RAB5A: variants seen among roughly 807,000 people sequenced by gnomAD.
The protein encoded by RAB5A is RAB5A, member RAS oncogene family, also known as ras-related protein Rab-5A.
RAB5A carries 8 observed loss-of-function variants against 25.7 expected under a neutral mutation model. The ratio of observed to expected loss-of-function variants is 0.31; its 90% CI spans 0.18 to 0.56. The LOEUF (loss-of-function observed/expected upper bound fraction) is 0.56, where lower values mean the gene tolerates loss of function less well. Ranked by LOEUF, RAB5A falls within the 20% of genes least tolerant of loss-of-function variation. The probability of loss-of-function intolerance (pLI) is 0.91; values close to 1 mark genes in which losing one functional copy is unlikely to be tolerated. For synonymous variants in RAB5A, 98 were observed against 89.8 expected, an observed-to-expected ratio of 1.09 and a Z score of -0.52; for missense variants, 192 against 259.7, an observed-to-expected ratio of 0.74 and a Z score of 1.79.
At chr3:19,947,981 C>T (rs1696353123) in intron 1 of RAB5A, 1 of 152,278 alleles carries the variant, frequency 6.6e-6, no homozygotes, top group Admixed American at 6.5e-5. Flanking sequence ...CCTGGGCCTA[C>T]TGCAGGTGTC....
chr3:19,947,290 G>T lies in RAB5A; in HGVS notation c.-325G>T, dbSNP rs978382718. ...GCCGGCGGCGGCGGCGGCGGCGGAG[G>T]AGGAGAAAGGAAAGAGGAAGGGGGA... On this transcript the variant is annotated 5_prime_UTR_variant, in exon 1 of 6. Transcript: ENST00000273047. The T allele has an allele frequency of 2.8e-5, 6 of 211,332 alleles. No individual in the cohort carries two copies. The South Asian group carries it at 3.6e-4, about 13-fold the overall frequency. 13.1% of individuals were successfully genotyped at this position (211,332 alleles called of 1,614,324 possible). A position where few individuals can be genotyped will look rare whatever the true frequency, so the allele number is the denominator to read the frequency against.
chr3:19,984,116 T>C lies in RAB5A; in HGVS notation c.*293T>C. The C allele has an allele frequency of 2.4e-6, 1 of 410,024 alleles. No individual in the cohort carries two copies. Among genetic ancestry groups the C allele is most frequent in the Middle Eastern group, 7.9e-4 (1 of 1,268 alleles). The allele number at this position is 410,024 out of a possible 1,614,324, so 25.4% of individuals were successfully genotyped here. On this transcript the variant is annotated 3_prime_UTR_variant, in exon 6 of 6. Coordinates refer to ENST00000273047, the MANE Select transcript of RAB5A (RefSeq NM_004162.5). The stretch of plus-strand genomic sequence containing the variant: ...CACTAGGAATATAGACAAATGACTG[T>C]CTGGGCCCACACAGTTAACCAGCCC...
intron 2 of RAB5A, among the ~76,000 whole-genome samples, chr3:19,951,701 G>GTT (rs61250458): frequency 9.1e-5 from 9 of 98,998 alleles, no homozygotes; most frequent in Admixed American, 2.2e-4. Flanking sequence ...TGCCAGGCAA[G>GTT]TTTTTTTTTT....
intron 5 of RAB5A, 96 bp from the exon 6 acceptor site, chr3:19,983,612 G>A: frequency 2.5e-6 from 2 of 815,546 alleles, no homozygotes; most frequent in Non-Finnish European, 4.1e-6. Context: ...TACTTTGGGG[G>A]TAACCTAACT....
chr3:19,977,454 A>G (rs1295279486), intron 4 of RAB5A, among the ~76,000 whole-genome samples: 1 of 152,236 alleles, frequency 6.6e-6, no homozygotes, highest in Non-Finnish European at 1.5e-5. Context: ...TGTTCTGTAT[A>G]TATCAGTGAT....
chr3:19,950,368 A>G (rs1696405678), intron 1 of RAB5A, among the ~76,000 whole-genome samples: 2 of 152,258 alleles, frequency 1.3e-5, no homozygotes, highest in Non-Finnish European at 1.5e-5. Context: ...TTCTCAAAAC[A>G]ATGTTAATCC....
At chr3:19,963,513 T>C (rs1696620969) in intron 2 of RAB5A, among the ~76,000 whole-genome samples, 3 of 152,118 alleles carry the variant, frequency 2.0e-5, no homozygotes. Flanking sequence ...ACATCCAGTT[T>C]CTTTGGGGGT....
chr3:19,957,697 C>CTCCA (rs759425471), intron 2 of RAB5A, among the ~76,000 whole-genome samples: 29 of 147,236 alleles, frequency 2.0e-4, no homozygotes, highest in Admixed American at 6.1e-4. Context: ...CACCACTGCA[C>CTCCA]TCCAGCCTGA....
chr3:19,950,591 A>C (rs1264647857), intron 1 of RAB5A, among the ~76,000 whole-genome samples: 1 of 152,188 alleles, frequency 6.6e-6, no homozygotes, highest in Non-Finnish European at 1.5e-5. Context: ...CCTGGCACAA[A>C]CTTGAAGCTT....
At chr3:19,948,205 T>TAC (rs1696359803) in intron 1 of RAB5A, among the ~76,000 whole-genome samples, 1 of 152,220 alleles carries the variant, frequency 6.6e-6, no homozygotes, top group Admixed American at 6.5e-5. Context: ...GGAAGCTGCT[T>TAC]ACCTCTGAGA....
Position 19,976,184 on chromosome 3 carries a change from A to G in RAB5A, c.438+15A>G, listed in dbSNP as rs764466808. 1 of 1,595,276 alleles carries G rather than the reference A, an allele frequency of 6.3e-7. No individual in the cohort carries two copies. The highest frequency in any genetic ancestry group is 1.4e-5 in the African/African-American group (1 of 73,834). ...TAGATTTCCAGGTATGTTAAATTTAACTCTCATTTGAAAGGCACTTTTTTC... is the reference window on the plus strand; with the variant it reads ...TAGATTTCCAGGTATGTTAAATTTAGCTCTCATTTGAAAGGCACTTTTTTC... On this transcript the variant is annotated intron_variant, in intron 4 of 5. Transcript: ENST00000273047.
chr3:19,967,787 C>T (rs1045833444), intron 2 of RAB5A, among the ~76,000 whole-genome samples: 1 of 151,998 alleles, frequency 6.6e-6, no homozygotes, highest in Non-Finnish European at 1.5e-5. Flanking sequence ...TTATTTCTTA[C>T]TCTTCCTCAC....
intron 2 of RAB5A, among the ~76,000 whole-genome samples, chr3:19,974,288 G>A (rs1238980333): frequency 6.6e-6 from 1 of 151,696 alleles, no homozygotes; most frequent in Non-Finnish European, 1.5e-5. Flanking sequence ...CCGAGTAACC[G>A]GAACCACAGG....
Position 19,978,532 on chromosome 3 carries a change from A to T in RAB5A, c.532+129A>T, listed in dbSNP as rs554295067. The T allele has an allele frequency of 3.4e-3, 1,151 of 338,244 alleles. 1 individual carries two copies. The highest frequency in any genetic ancestry group is 4.2e-3 in the Non-Finnish European group (733 of 175,064). 21.0% of individuals were successfully genotyped at this position (338,244 alleles called of 1,614,324 possible). A position where few individuals can be genotyped will look rare whatever the true frequency, so the allele number is the denominator to read the frequency against. ...GTGTGTATGTTTATGTGTGTGTGTG[A>T]GAGAGAGAGAGAGATTATACCACTT... On this transcript the variant is annotated intron_variant, in intron 5 of 5. Coordinates refer to ENST00000273047, the MANE Select transcript of RAB5A (RefSeq NM_004162.5).
chr3:19,962,365 C>T lies in RAB5A; in HGVS notation c.163+11304C>T, dbSNP rs532599862. Among the ~76,000 whole-genome samples the T allele has an allele frequency of 2.3e-4, 35 of 152,186 alleles. No individual in the cohort carries two copies. In the South Asian group the frequency reaches 6.2e-3, roughly 27 times the overall value. The stretch of plus-strand genomic sequence containing the variant: ...TGGGCAGATCACGAGGACAGGAGTT[C>T]GAGACCAGCCTGACTAACATAGTGA... On this transcript the variant is annotated intron_variant, in intron 2 of 5. Coordinates refer to ENST00000273047, the MANE Select transcript of RAB5A (RefSeq NM_004162.5).
intron 2 of RAB5A, among the ~76,000 whole-genome samples, chr3:19,968,294 A>G (rs1044412703): frequency 2.0e-5 from 3 of 151,920 alleles, no homozygotes; most frequent in African/African-American, 7.3e-5. Context: ...ATGACAGTCT[A>G]TATTATTGTT....
rs138397954 is a variant in RAB5A, at chr3:19,965,693, T to C, written c.164-9908T>C. ...TCAGGATTTTAAATTGTTTCACAACTATTACCTTTAGATGTTGCTCATAGA... is the reference window on the plus strand; with the variant it reads ...TCAGGATTTTAAATTGTTTCACAACCATTACCTTTAGATGTTGCTCATAGA... On this transcript the variant is annotated intron_variant, in intron 2 of 5. Transcript: ENST00000273047. 6.6e-3 allele frequency among the ~76,000 whole-genome samples: 1,000 copies of C among 152,310 alleles called. 11 individuals are homozygous for C. The highest frequency in any genetic ancestry group is 0.022 in the African/African-American group (911 of 41,560).
rs1696330920 is a variant in RAB5A, at chr3:19,947,526, C to G, written c.-94+5C>G. 1 of 152,734 alleles carries G rather than the reference C, an allele frequency of 6.5e-6. No homozygotes were observed. The highest frequency in any genetic ancestry group is 2.4e-5 in the African/African-American group (1 of 41,446). 9.5% of individuals were successfully genotyped at this position (152,734 alleles called of 1,614,324 possible). A position where few individuals can be genotyped will look rare whatever the true frequency, so the allele number is the denominator to read the frequency against. ...CTCGGCTTGCTGCGGTCTCAGGTAA[C>G]CGAACCGCCCCTCCTCCTGCGCAGC... On this transcript the variant is annotated splice_donor_5th_base_variant and intron_variant, in intron 1 of 5. Transcript: ENST00000273047.
chr3:19,956,499 C>G (rs1696504533), intron 2 of RAB5A, among the ~76,000 whole-genome samples: 1 of 152,230 alleles, frequency 6.6e-6, no homozygotes. Context: ...AAGTGAAGTG[C>G]TGTTTCTACT....
Sources: allele counts gnomAD v4.1 joint callset (sites outside exome capture counted in the v4.1 genomes callset), GRCh38; gene constraint gnomAD v4.1.1; transcripts MANE v1.5; gene names NCBI Gene and HGNC (gene_info 2026-07-23, HGNC 2026-07-21).